The following CSMD2 variants were observed in gnomAD, a reference collection of about 807,000 sequenced individuals.
CSMD2 encodes CUB and Sushi multiple domains 2, also known as CUB and sushi domain-containing protein 2.
A neutral mutation model predicts 398.5 loss-of-function variants in CSMD2; 130 were observed. That is an observed-to-expected ratio of 0.33 (90% CI 0.28 to 0.38). The LOEUF is 0.38. Among genes scored for constraint, CSMD2 ranks in the 10% least tolerant of loss-of-function variants. The probability of loss-of-function intolerance (pLI) is 1.00; values close to 1 mark genes in which losing one functional copy is unlikely to be tolerated. For missense variants in CSMD2, 3,829 were observed against 4,764.9 expected (o/e 0.80, Z 5.78); for synonymous variants, 1,828 against 1,908.5 (o/e 0.96, Z 1.10).
chr1:33,525,110 T>C (rs1033865483), intron 65 of CSMD2, 67 bp from the exon 66 acceptor site: 296 of 1,529,312 alleles, frequency 1.9e-4, no homozygotes, highest in South Asian at 8.0e-4. Context: ...GGTAGCCTGA[T>C]GACTGATCCC....
chr1:33,822,841 C>A (rs1658312815), intron 7 of CSMD2, among the ~76,000 whole-genome samples: 1 of 152,146 alleles, frequency 6.6e-6, no homozygotes, highest in Non-Finnish European at 1.5e-5. Context: ...TCACAGTGAT[C>A]CGTCCCTACT....
intron 25 of CSMD2, among the ~76,000 whole-genome samples, chr1:33,688,526 T>A (rs558003172): frequency 8.1e-4 from 123 of 152,282 alleles, no homozygotes; most frequent in African/African-American, 2.6e-3. Context: ...TTTTGAATTT[T>A]AAAAAAATGA....
At chr1:34,052,110 C>T (rs573747494) in intron 2 of CSMD2, among the ~76,000 whole-genome samples, 93 of 151,962 alleles carry the variant, frequency 6.1e-4, no homozygotes, top group African/African-American at 2.1e-3. Context: ...AGCTTGCCAA[C>T]TGCAGATCTC....
chr1:33,709,630 G>A (rs1645918484), intron 21 of CSMD2: 4 of 336,266 alleles, frequency 1.2e-5, no homozygotes, highest in Non-Finnish European at 2.2e-5. Context: ...GGAGGTCAGG[G>A]GAAGAGGGGG....
chr1:33,982,322 G>A (rs866476053), intron 3 of CSMD2, among the ~76,000 whole-genome samples: 40 of 152,136 alleles, frequency 2.6e-4, no homozygotes, highest in Admixed American at 2.6e-3. Context: ...TTGCAAAGGG[G>A]CTGCACAGTG....
chr1:33,587,148 G>T lies in CSMD2; in HGVS notation c.6877C>A (p.Pro2293Thr), dbSNP rs1445111578. The change falls in exon 45 of 71, where the codon CCT (proline) becomes ACT (threonine). Residue 2293 changes from proline to threonine, a missense_variant. Transcript: ENST00000373381. ...GCGTTGGGGAGGATGGTGGGAGGAG[G>T]GCATTTGGTGAGTGGATAAGCTGAA... ...AFSAYPLTKC[P>T]PPTILPNAEV... is the part of the protein sequence containing the mutation. 1.2e-6 allele frequency: 2 copies of T among 1,610,096 alleles called. No individual in the cohort carries two copies. Among genetic ancestry groups the T allele is most frequent in the Non-Finnish European group, 1.7e-6 (2 of 1,178,486 alleles).
chr1:33,617,519 C>T lies in CSMD2; in HGVS notation c.5926G>A (p.Glu1976Lys). Residue 1976 changes from glutamate (E) to lysine (K), a missense_variant, in exon 38 of 71, where the codon GAG becomes AAG. Coordinates refer to ENST00000373381, the MANE Select transcript of CSMD2 (RefSeq NM_001281956.2). Reference protein sequence around the residue: ...LVNDVVSFQCEPGYALQGHAH... With the variant: ...LVNDVVSFQCKPGYALQGHAH... ...GGTACCTGGAGGGCATATCCCGGCTCACACTGGAAAGACACCACATCATTC... is the reference window on the plus strand; with the variant it reads ...GGTACCTGGAGGGCATATCCCGGCTTACACTGGAAAGACACCACATCATTC... 6.2e-7 allele frequency: 1 copy of T among 1,613,992 alleles called. No homozygotes were observed. The highest frequency in any genetic ancestry group is 8.5e-7 in the Non-Finnish European group (1 of 1,179,874).
intron 53 of CSMD2, among the ~76,000 whole-genome samples, chr1:33,563,293 T>A (rs894667018): frequency 1.3e-5 from 2 of 151,912 alleles, no homozygotes; most frequent in African/African-American, 4.8e-5. Context: ...TAGGAGAGGA[T>A]TAAGAATAGA....
chr1:33,610,506 G>A (rs1432860575), intron 41 of CSMD2, among the ~76,000 whole-genome samples: 2 of 152,172 alleles, frequency 1.3e-5, no homozygotes, highest in African/African-American at 4.8e-5. Context: ...AGAATGAGTG[G>A]GGCCGGTCAC....
intron 24 of CSMD2, among the ~76,000 whole-genome samples, chr1:33,693,964 T>C (rs1645328780): frequency 1.3e-5 from 2 of 151,798 alleles, no homozygotes; most frequent in African/African-American, 4.8e-5. Flanking sequence ...GAGGCTGAGG[T>C]AGGAGAATCA....
chr1:33,709,537 T>A, intron 21 of CSMD2: 1 of 482,488 alleles, frequency 2.1e-6, no homozygotes. Context: ...CCACCAGGCA[T>A]CCTTTACAAT....
chr1:33,544,102 CTTTTTTTTT>C (rs57678063), intron 57 of CSMD2, among the ~76,000 whole-genome samples: 1 of 89,368 alleles, frequency 1.1e-5, no homozygotes, highest in Non-Finnish European at 2.1e-5. Context: ...CCATATTTGT[CTTTTTTTTT>C]TTTTTTTTTT....
rs781493925 is a variant in CSMD2 at position 33,918,279 on chromosome 1, G to T, written c.735C>A (p.Thr245=). 6.2e-7 allele frequency: 1 copy of T among 1,613,936 alleles called. No individual in the cohort carries two copies. Among genetic ancestry groups the T allele is most frequent in the South Asian group, 1.1e-5 (1 of 91,072 alleles). Residue 245 remains threonine (T), a synonymous_variant, in exon 5 of 71, where the codon ACC becomes ACA. Transcript: ENST00000373381. The part of the protein sequence containing the change: ...SCRADDACGG[T]LRGQSGIISS... ...AGATGATGCCACTCTGGCCCCGCAG[G>T]GTCCCACCACAGGCATCATCAGCTG...
chr1:33,812,472 T>C lies in CSMD2; in HGVS notation c.1325-1608A>G, dbSNP rs751902556. Among the ~76,000 whole-genome samples the C allele has an allele frequency of 3.3e-5, 5 of 152,252 alleles. No individual in the cohort carries two copies. The East Asian group carries it at 9.6e-4, about 29-fold the overall frequency. ...GGGGAACCCCCACTCCATTCCCCCA[T>C]GTATATCTGATTGCTCCTTTCATTC... On this transcript the variant is annotated intron_variant, in intron 9 of 70. Coordinates refer to ENST00000373381, the MANE Select transcript of CSMD2 (RefSeq NM_001281956.2).
intron 25 of CSMD2, among the ~76,000 whole-genome samples, chr1:33,685,271 C>A (rs953152307): frequency 6.6e-6 from 1 of 152,176 alleles, no homozygotes; most frequent in Non-Finnish European, 1.5e-5. Flanking sequence ...CTGGATGGGA[C>A]CTTCAGATTC....
intron 39 of CSMD2, among the ~76,000 whole-genome samples, chr1:33,616,170 C>A (rs1232020920): frequency 6.6e-6 from 1 of 152,196 alleles, no homozygotes; most frequent in East Asian, 1.9e-4. Flanking sequence ...TGCCGTAGCA[C>A]AGGGTAAGGG....
chr1:34,036,818 T>C (rs1057047769), intron 2 of CSMD2, among the ~76,000 whole-genome samples: 1 of 152,256 alleles, frequency 6.6e-6, no homozygotes, highest in Non-Finnish European at 1.5e-5. Flanking sequence ...TATTGACTTC[T>C]GATTAGCTCC....
intron 19 of CSMD2, among the ~76,000 whole-genome samples, chr1:33,719,816 T>C (rs772098383): frequency 2.6e-4 from 40 of 152,172 alleles, no homozygotes; most frequent in Admixed American, 5.2e-4. Context: ...GAGTCATAAC[T>C]GGGAAAGTAT....
chr1:33,912,571 A>G (rs879430811), intron 5 of CSMD2, among the ~76,000 whole-genome samples: 6 of 152,010 alleles, frequency 3.9e-5, no homozygotes, highest in Non-Finnish European at 4.4e-5. Context: ...AGAAGGCCCA[A>G]TAGAACCCTC....
Sources: gnomAD v4.1 joint callset for allele counts (sites outside exome capture counted in the v4.1 genomes callset) on GRCh38, gnomAD v4.1.1 for gene constraint, MANE v1.5 for transcripts, NCBI Gene and HGNC (gene_info 2026-07-23, HGNC 2026-07-21) for gene names.